The following RBFOX1 variants were observed in gnomAD, a reference collection of about 807,000 sequenced individuals.
RBFOX1 encodes the protein RNA binding protein fox-1 homolog 1.
In RBFOX1, 8 loss-of-function variants were observed where a neutral mutation model predicts 57.7. The observed-to-expected ratio is 0.14, with a 90% CI of 0.08 to 0.25. The LOEUF (loss-of-function observed/expected upper bound fraction) is 0.25, where lower values mean the gene tolerates loss of function less well. RBFOX1 is among the 10% of genes least tolerant of loss of function. The pLI is 1.00. For missense variants in RBFOX1, 611 were observed against 548.5 expected, an observed-to-expected ratio of 1.11 and a Z score of -1.14; for synonymous variants, 326 against 222.4, an observed-to-expected ratio of 1.47 and a Z score of -4.15.
At chr16:6,610,005 CACAAAACAAA>C (rs71145259) in intron 2 of RBFOX1, among the ~76,000 whole-genome samples, 54 of 145,474 alleles carry the variant, frequency 3.7e-4, no homozygotes, top group African/African-American at 6.4e-4. Flanking sequence ...GAGGCTCTGA[CACAAAACAAA>C]ACAAAACAAA....
At chr16:6,090,890 G>C (rs1379269044) in intron 1 of RBFOX1, among the ~76,000 whole-genome samples, 1 of 152,154 alleles carries the variant, frequency 6.6e-6, no homozygotes, top group East Asian at 1.9e-4. Flanking sequence ...TCCTGCTTCT[G>C]CTCCAAGAAT....
At chr16:6,177,116 G>A (rs377653604) in intron 1 of RBFOX1, among the ~76,000 whole-genome samples, 19 of 151,794 alleles carry the variant, frequency 1.3e-4, no homozygotes, top group Admixed American at 1.3e-4. Context: ...TTGTTGTTCC[G>A]GTGATTTTGC....
chr16:5,511,767 G>A (rs935277460), intron 2 of RBFOX1, among the ~76,000 whole-genome samples: 1 of 152,200 alleles, frequency 6.6e-6, no homozygotes, highest in African/African-American at 2.4e-5. Context: ...TATTCACCAT[G>A]TGATGCTTTA....
chr16:7,604,941 A>G (rs2095225744), intron 9 of RBFOX1, among the ~76,000 whole-genome samples: 2 of 152,222 alleles, frequency 1.3e-5, no homozygotes, highest in East Asian at 1.9e-4. Context: ...TCAGTAGAGT[A>G]TGAGATGGGT....
At chr16:6,793,189 A>G (rs2083305597) in intron 3 of RBFOX1, among the ~76,000 whole-genome samples, 1 of 152,224 alleles carries the variant, frequency 6.6e-6, no homozygotes, top group Admixed American at 6.5e-5. Context: ...GATCCTGTTG[A>G]TCAAACAGTA....
chr16:5,389,341 A>G (rs893312206), intron 1 of RBFOX1, among the ~76,000 whole-genome samples: 2 of 152,136 alleles, frequency 1.3e-5, no homozygotes, highest in Non-Finnish European at 2.9e-5. Flanking sequence ...CCTTGGCTCT[A>G]TGGACGTTTG....
intron 4 of RBFOX1, among the ~76,000 whole-genome samples, chr16:5,969,501 T>C (rs2059921098): frequency 6.7e-6 from 1 of 149,574 alleles, no homozygotes; most frequent in Non-Finnish European, 1.5e-5. Flanking sequence ...TTTTTGTATT[T>C]TTAGTAGAGA....
chr16:6,239,450 C>T (rs955554853), intron 1 of RBFOX1, among the ~76,000 whole-genome samples: 2 of 150,536 alleles, frequency 1.3e-5, no homozygotes, highest in Admixed American at 6.6e-5. Context: ...TGGAGTCCCA[C>T]CTGTTAAGAA....
intron 4 of RBFOX1, among the ~76,000 whole-genome samples, chr16:7,385,972 G>A (rs1156456948): frequency 1.6e-5 from 2 of 129,008 alleles, no homozygotes; most frequent in African/African-American, 2.9e-5. Flanking sequence ...TTTATTTTTA[G>A]TAGAGACGGA....
chr16:6,491,102 G>A (rs2095622578), intron 2 of RBFOX1, among the ~76,000 whole-genome samples: 1 of 151,838 alleles, frequency 6.6e-6, no homozygotes, highest in Non-Finnish European at 1.5e-5. Context: ...AATTATACGT[G>A]TATATATAGT....
chr16:7,411,902 CAAAAAAAAAAAAA>C, intron 4 of RBFOX1, among the ~76,000 whole-genome samples: 1 of 95,394 alleles, frequency 1.0e-5, no homozygotes, highest in East Asian at 3.9e-4. Flanking sequence ...AAACTCCTTT[CAAAAAAAAAAAAA>C]AAAAAAAAAG....
chr16:5,956,672 A>ATTTTTTT (rs1309859075), intron 4 of RBFOX1, among the ~76,000 whole-genome samples: 17,949 of 76,996 alleles, frequency 0.23, 2,176 homozygotes, highest in Non-Finnish European at 0.29. Context: ...ATATATATAT[A>ATTTTTTT]TATATATTTT....
intron 4 of RBFOX1, among the ~76,000 whole-genome samples, chr16:7,376,226 A>G (rs574721667): frequency 6.6e-6 from 1 of 152,250 alleles, no homozygotes; most frequent in African/African-American, 2.4e-5. Flanking sequence ...AAGCTGTTTT[A>G]GATGAAATTC....
intron 1 of RBFOX1, among the ~76,000 whole-genome samples, chr16:6,102,353 C>A (rs968671358): frequency 6.6e-6 from 1 of 152,100 alleles, no homozygotes; most frequent in Non-Finnish European, 1.5e-5. Context: ...AAGAAATTAT[C>A]TTTAACACTG....
chr16:6,816,065 T>C lies in RBFOX1; in HGVS notation c.-16+161415T>C, dbSNP rs373205407. On this transcript the variant is annotated intron_variant, in intron 3 of 15. Transcript: ENST00000550418. The stretch of plus-strand genomic sequence containing the variant: ...ATGGCTCATGCGTGTCCCAGCACTT[T>C]TGGAGGCTGAGGCAGGAGGATTGCT... 7.9e-5 allele frequency among the ~76,000 whole-genome samples: 12 copies of C among 152,156 alleles called. No individual in the cohort carries two copies. In the East Asian group the frequency reaches 1.2e-3, roughly 15 times the overall value.
intron 4 of RBFOX1, among the ~76,000 whole-genome samples, chr16:7,283,935 A>G (rs76590460): frequency 0.027 from 4,104 of 152,312 alleles, 97 homozygotes; most frequent in East Asian, 0.12. Flanking sequence ...CCTAGGGCCT[A>G]GTTATAGTTA....
chr16:6,019,765 C>T lies in RBFOX1; in HGVS notation c.-354C>T. ...AGTCCTTGCGCTCCAGACCCCCACC[C>T]AGTGGCCGCCAGGGTCCCCGCCTGT... On this transcript the variant is annotated 5_prime_UTR_variant, in exon 1 of 16. Transcript: ENST00000550418. The surrounding 1 kb of genome is among the most constrained non-coding windows in gnomAD (Gnocchi z 4.2). 2.1e-6 allele frequency: 3 copies of T among 1,404,596 alleles called. No individual in the cohort carries two copies. The highest frequency in any genetic ancestry group is 2.8e-6 in the Non-Finnish European group (3 of 1,078,432). The allele number at this position is 1,404,596 out of a possible 1,614,324, so 87.0% of individuals were successfully genotyped here.
intron 2 of RBFOX1, among the ~76,000 whole-genome samples, chr16:6,527,553 T>A (rs1198353008): frequency 6.6e-6 from 1 of 152,188 alleles, no homozygotes; most frequent in Non-Finnish European, 1.5e-5. Flanking sequence ...TCAGGCCACT[T>A]GAAACACATT....
intron 2 of RBFOX1, among the ~76,000 whole-genome samples, chr16:6,506,405 A>G (rs745874009): frequency 6.6e-6 from 1 of 152,200 alleles, no homozygotes; most frequent in Non-Finnish European, 1.5e-5. Context: ...CCAGGGTGGA[A>G]AAGGCTTAGT....
Sources: gnomAD v4.1 joint callset for allele counts (sites outside exome capture counted in the v4.1 genomes callset) on GRCh38, gnomAD v4.1.1 for gene constraint, Gnocchi (gnomAD v3.1) non-coding constraint, MANE v1.5 for transcripts, NCBI Gene and HGNC (gene_info 2026-07-23, HGNC 2026-07-21) for gene names.